Variants in TSPEAR observed in about 807,000 individuals in gnomAD.
TSPEAR encodes thrombospondin-type laminin G domain and EAR repeat-containing protein.
A neutral mutation model predicts 71.6 loss-of-function variants in TSPEAR; 69 were observed. The ratio of observed to expected loss-of-function variants is 0.96; its 90% CI spans 0.79 to 1.18. The LOEUF (loss-of-function observed/expected upper bound fraction) is 1.18. Among genes scored for constraint, TSPEAR ranks in the 50% most tolerant of loss-of-function variants. The pLI, the probability that TSPEAR is intolerant of heterozygous loss-of-function variation, is 0.00. For synonymous variants in TSPEAR, 402 were observed against 387.2 expected (o/e 1.04, Z -0.45); for missense variants, 971 against 894.9 (o/e 1.09, Z -1.09).
At chr21:44,591,231 C>T in intron 1 of TSPEAR, 1 of 1,425,504 alleles carries the variant, frequency 7.0e-7, no homozygotes, top group Non-Finnish European at 9.3e-7. Context: ...CTCATGCAGC[C>T]AGCATCTGGG....
At chr21:44,604,761 C>A (rs1981203376) in intron 1 of TSPEAR, among the ~76,000 whole-genome samples, 1 of 152,148 alleles carries the variant, frequency 6.6e-6, no homozygotes, top group African/African-American at 2.4e-5. Flanking sequence ...AGGTGCGTCT[C>A]TTCTATGTCT....
intron 1 of TSPEAR, among the ~76,000 whole-genome samples, chr21:44,610,734 G>T (rs1036760121): frequency 1.8e-4 from 28 of 152,282 alleles, no homozygotes; most frequent in African/African-American, 6.7e-4. Context: ...AAAAGCTGCT[G>T]ACACTCAACA....
In TSPEAR at chr21:44,685,805, C is replaced by T. The variant is rs797034792; in HGVS notation, c.82+25628G>A. ...AAACTAAGCAGTCCAGATCCCTGCA[C>T]CTCTGCAGTGGTGCAGACACGCACC... is the stretch of plus-strand genomic sequence containing the variant. On this transcript the variant is annotated intron_variant, in intron 1 of 11. Coordinates refer to ENST00000323084, the MANE Select transcript of TSPEAR (RefSeq NM_144991.3). Among the ~76,000 whole-genome samples the T allele has an allele frequency of 6.6e-5, 10 of 150,962 alleles. 1 individual carries two copies. Among genetic ancestry groups the T allele is most frequent in the Non-Finnish European group, 8.9e-5 (6 of 67,454 alleles).
Position 44,525,664 on chromosome 21 carries a change from T to G in TSPEAR, c.1325A>C (p.Asn442Thr). ...VDGEHFLAVA[N>T]HREGDNHNID... is the part of the protein sequence containing the mutation. ...CACTCCTGCCCTACCTTCCCGGTGG[T>G]TGGCCACCGCCAGGAAGTGCTCCCC... The change falls in exon 8 of 12, where the codon AAC (asparagine) becomes ACC (threonine). Residue 442 changes from asparagine to threonine, a missense_variant. Transcript: ENST00000323084. 6.2e-7 allele frequency: 1 copy of G among 1,614,104 alleles called. No homozygotes were observed. Among genetic ancestry groups the G allele is most frequent in the Non-Finnish European group, 8.5e-7 (1 of 1,180,000 alleles).
At chr21:44,614,840 A>G (rs1198040482) in intron 1 of TSPEAR, among the ~76,000 whole-genome samples, 1 of 152,160 alleles carries the variant, frequency 6.6e-6, no homozygotes, top group African/African-American at 2.4e-5. Flanking sequence ...AATGAGACAA[A>G]AGCATAAACT....
chr21:44,676,210 C>G, intron 1 of TSPEAR: 1 of 1,312,108 alleles, frequency 7.6e-7, no homozygotes, highest in South Asian at 1.2e-5. Flanking sequence ...CATTGCTACC[C>G]TTCGGGCCAG....
At chr21:44,511,686 G>A (rs868944372) in intron 9 of TSPEAR, among the ~76,000 whole-genome samples, 7 of 152,350 alleles carry the variant, frequency 4.6e-5, no homozygotes, top group South Asian at 2.1e-4. Flanking sequence ...AGCCCTGGGC[G>A]TCCTTCCAGT....
intron 1 of TSPEAR, among the ~76,000 whole-genome samples, chr21:44,634,935 C>T (rs587768464): frequency 8.5e-5 from 13 of 152,322 alleles, no homozygotes; most frequent in African/African-American, 3.1e-4. Context: ...CTGTGAAAAA[C>T]AGTCTGGCAC....
At chr21:44,669,797 C>T (rs912201836) in intron 1 of TSPEAR, among the ~76,000 whole-genome samples, 5 of 152,190 alleles carry the variant, frequency 3.3e-5, no homozygotes, top group African/African-American at 1.2e-4. Flanking sequence ...CCCCAGAGGT[C>T]CTACCCCCAG....
At chr21:44,540,269 A>G in intron 2 of TSPEAR, 1 of 1,500,272 alleles carries the variant, frequency 6.7e-7, no homozygotes, top group East Asian at 2.3e-5. Flanking sequence ...CTCTGCTTTT[A>G]TACCCCTTCT....
Position 44,612,537 on chromosome 21 carries a change from G to GC in TSPEAR, c.83-44533dup. 6.2e-7 allele frequency: 1 copy of GC among 1,612,352 alleles called. No individual in the cohort carries two copies. The highest frequency in any genetic ancestry group is 8.5e-7 in the Non-Finnish European group (1 of 1,178,944). On this transcript the variant is annotated intron_variant, in intron 1 of 11. Transcript: ENST00000323084. The surrounding 1 kb of genome is among the most constrained non-coding windows in gnomAD (Gnocchi z 4.1). ...TGCTCTGGAGCTTCCTCCCCATGCT[G>GC]CCAGCAGTCTAGCTGCCAGTCAGCT... is the stretch of plus-strand genomic sequence containing the variant.
intron 9 of TSPEAR, chr21:44,518,500 C>A (rs587762274): frequency 1.0e-5 from 4 of 391,592 alleles, no homozygotes; most frequent in African/African-American, 6.3e-5. Context: ...GGGATCCTTT[C>A]TCTTGTCACC....
At chr21:44,645,225 A>G (rs1034637701) in intron 1 of TSPEAR, among the ~76,000 whole-genome samples, 1 of 152,236 alleles carries the variant, frequency 6.6e-6, no homozygotes, top group East Asian at 1.9e-4. Flanking sequence ...GTGCAGCTTC[A>G]AATAAAACAA....
In TSPEAR at chr21:44,592,017, A is replaced by T. The variant is rs376773760; in HGVS notation, c.83-24012T>A. Reference sequence around the variant, plus strand: ...AGACAGGCTTGCAGCAGACGGGCACACAGCAGGCCTGCTGGCAGGGGGAGG... The same window carrying T: ...AGACAGGCTTGCAGCAGACGGGCACTCAGCAGGCCTGCTGGCAGGGGGAGG... On this transcript the variant is annotated intron_variant, in intron 1 of 11. Coordinates refer to ENST00000323084, the MANE Select transcript of TSPEAR (RefSeq NM_144991.3). 7 of 1,568,946 alleles carry T rather than the reference A, an allele frequency of 4.5e-6. No homozygotes were observed. In the African/African-American group the frequency reaches 1.1e-4, roughly 25 times the overall value.
chr21:44,525,906 G>A lies in TSPEAR; in HGVS notation c.1150-67C>T, dbSNP rs2052846536. 23 of 1,517,710 alleles carry A rather than the reference G, an allele frequency of 1.5e-5. No individual in the cohort carries two copies. In the South Asian group the frequency reaches 2.3e-4, roughly 15 times the overall value. 94.0% of individuals were successfully genotyped at this position (1,517,710 alleles called of 1,614,324 possible). On this transcript the variant is annotated intron_variant, in intron 7 of 11. Coordinates refer to ENST00000323084, the MANE Select transcript of TSPEAR (RefSeq NM_144991.3). ...CGGTGCCAGCGGCCTGGTTTCTGAA[G>A]GCTTCTGAACATCAGCATCTCTCTC...
intron 1 of TSPEAR, among the ~76,000 whole-genome samples, chr21:44,651,050 G>A (rs1984758370): frequency 6.6e-6 from 1 of 151,842 alleles, no homozygotes; most frequent in Admixed American, 6.6e-5. Flanking sequence ...AGAACCTGGG[G>A]AGAGGACAGG....
intron 4 of TSPEAR, among the ~76,000 whole-genome samples, chr21:44,530,293 CCATT>C (rs1377912139): frequency 1.3e-5 from 2 of 152,096 alleles, no homozygotes; most frequent in African/African-American, 4.8e-5. Context: ...TCAGTCCAAT[CCATT>C]CATCCATCAC....
Position 44,711,328 on chromosome 21 carries a change from G to T in TSPEAR, c.82+105C>A. 1 of 1,063,134 alleles carries T rather than the reference G, an allele frequency of 9.4e-7. No homozygotes were observed. The highest frequency in any genetic ancestry group is 1.4e-6 in the Non-Finnish European group (1 of 727,976). The allele number at this position is 1,063,134 out of a possible 1,614,324, so 65.9% of individuals were successfully genotyped here. A position where few individuals can be genotyped will look rare whatever the true frequency, so the allele number is the denominator to read the frequency against. On this transcript the variant is annotated intron_variant, in intron 1 of 11. Coordinates refer to ENST00000323084, the MANE Select transcript of TSPEAR (RefSeq NM_144991.3). This position sits in a 1 kb window ranked among gnomAD's most constrained non-coding sequence, Gnocchi z 4.5. Reference sequence around the variant, plus strand: ...GCCAGTCCTGCCAAAGCGTCCTCGGGCACCGCGGCTTGAATCAGTGTTAGA... The same window carrying T: ...GCCAGTCCTGCCAAAGCGTCCTCGGTCACCGCGGCTTGAATCAGTGTTAGA...
intron 1 of TSPEAR, among the ~76,000 whole-genome samples, chr21:44,635,756 G>A (rs879961310): frequency 2.0e-5 from 3 of 152,156 alleles, no homozygotes; most frequent in Admixed American, 6.5e-5. Context: ...TGACTGTACT[G>A]TCACTGAATT....
Sources: allele counts gnomAD v4.1 joint callset (sites outside exome capture counted in the v4.1 genomes callset), GRCh38; gene constraint gnomAD v4.1.1; non-coding constraint Gnocchi (gnomAD v3.1); transcripts MANE v1.5; gene names NCBI Gene and HGNC (gene_info 2026-07-23, HGNC 2026-07-21).